IGSF10: variants seen among roughly 807,000 people sequenced by gnomAD.
IGSF10 encodes the protein calvaria mechanical force protein 608.
IGSF10 carries 126 observed loss-of-function variants against 128.2 expected under a neutral mutation model. The ratio of observed to expected loss-of-function variants is 0.98; its 90% CI spans 0.85 to 1.14. IGSF10 has a LOEUF of 1.14. IGSF10 is among the 50% of genes most tolerant of loss of function. The probability of loss-of-function intolerance (pLI) is 0.00; values close to 1 mark genes in which losing one functional copy is unlikely to be tolerated. For synonymous variants in IGSF10, 1,185 were observed against 1,146.2 expected, an observed-to-expected ratio of 1.03 and a Z score of -0.68; for missense variants, 3,295 against 3,149.8, an observed-to-expected ratio of 1.05 and a Z score of -1.10.
In IGSF10 at chr3:151,437,756, G is replaced by A; in HGVS notation, c.6805C>T (p.Pro2269Ser). 1 of 1,613,948 alleles carries A rather than the reference G, an allele frequency of 6.2e-7. No individual in the cohort carries two copies. The highest frequency in any genetic ancestry group is 8.5e-7 in the Non-Finnish European group (1 of 1,179,956). The change falls in exon 8 of 8, where the codon CCT becomes TCT. Residue 2269 changes from proline (P) to serine (S), a missense_variant. Physicochemically the swap from Pro to Ser is moderately conservative, Grantham distance 74. Transcript: ENST00000282466. Reference sequence around the variant, plus strand: ...TCTGGCATGATCCACATGACTTCAGGAGATGGTGTCCCTTCAGCTCTGCAG... The same window carrying A: ...TCTGGCATGATCCACATGACTTCAGAAGATGGTGTCCCTTCAGCTCTGCAG... The part of the protein sequence containing the change: ...FDCRAEGTPS[P>S]EVMWIMPDNI...
chr3:151,574,739 C>A, the IGSF10 span, among the ~76,000 whole-genome samples: 1 of 152,200 alleles, frequency 6.6e-6, no homozygotes, highest in Non-Finnish European at 1.5e-5. Flanking sequence ...CAAAGTCATT[C>A]CCTGTCCAGC....
At chr3:151,502,515 C>T in the IGSF10 span, among the ~76,000 whole-genome samples, 1 of 152,046 alleles carries the variant, frequency 6.6e-6, no homozygotes, top group South Asian at 2.1e-4. Context: ...GATTTTGCCA[C>T]AGCTGCTTCC....
At chr3:151,527,883 G>GT in the IGSF10 span, among the ~76,000 whole-genome samples, 1 of 151,946 alleles carries the variant, frequency 6.6e-6, no homozygotes, top group Non-Finnish European at 1.5e-5. Context: ...AGCTTGGGAG[G>GT]TCAAGGCTAC....
chr3:151,607,132 A>G, the IGSF10 span, among the ~76,000 whole-genome samples: 8 of 152,184 alleles, frequency 5.3e-5, no homozygotes, highest in Admixed American at 2.6e-4. Context: ...AAAGAGAACA[A>G]AGTTAATGGA....
the IGSF10 span, among the ~76,000 whole-genome samples, chr3:151,520,356 T>G: frequency 6.6e-6 from 1 of 151,852 alleles, no homozygotes; most frequent in Non-Finnish European, 1.5e-5. Context: ...GTAGTCCTAT[T>G]GCAGTTTAAG....
chr3:151,477,869 A>G, the IGSF10 span, among the ~76,000 whole-genome samples: 1 of 152,220 alleles, frequency 6.6e-6, no homozygotes, highest in South Asian at 2.1e-4. Context: ...GAAAGCAGCC[A>G]TAGATAATAT....
chr3:151,559,442 A>G, the IGSF10 span, among the ~76,000 whole-genome samples: 2 of 152,210 alleles, frequency 1.3e-5, no homozygotes, highest in African/African-American at 4.8e-5. Flanking sequence ...AACACTATAC[A>G]AAAATTGATA....
At chr3:151,582,782 A>AT in the IGSF10 span, among the ~76,000 whole-genome samples, 9 of 152,202 alleles carry the variant, frequency 5.9e-5, no homozygotes, top group Non-Finnish European at 1.2e-4. Flanking sequence ...TTAAATACAA[A>AT]TGGTGATAGT....
chr3:151,514,212 C>T, the IGSF10 span, among the ~76,000 whole-genome samples: 1 of 152,090 alleles, frequency 6.6e-6, no homozygotes, highest in Admixed American at 6.6e-5. Flanking sequence ...AGCTACCTGA[C>T]TTCAAACTAT....
the IGSF10 span, among the ~76,000 whole-genome samples, chr3:151,550,000 G>A: frequency 6.6e-6 from 1 of 151,908 alleles, no homozygotes; most frequent in Admixed American, 6.6e-5. Context: ...CTTGGTTTAA[G>A]AAAAATTAAA....
At chr3:151,491,035 G>A in the IGSF10 span, among the ~76,000 whole-genome samples, 3 of 151,948 alleles carry the variant, frequency 2.0e-5, no homozygotes, top group South Asian at 6.2e-4. Flanking sequence ...ACAGAAAACA[G>A]AAAGCCATGG....
chr3:151,547,006 G>C, the IGSF10 span, among the ~76,000 whole-genome samples: 1 of 90,288 alleles, frequency 1.1e-5, no homozygotes, highest in South Asian at 4.5e-4. Flanking sequence ...TCTGACCTCC[G>C]GCGATCCACC....
the IGSF10 span, among the ~76,000 whole-genome samples, chr3:151,554,949 G>A: frequency 2.0e-5 from 3 of 152,258 alleles, no homozygotes; most frequent in East Asian, 3.9e-4. Flanking sequence ...TTGTTATGCA[G>A]CACTACATTG....
chr3:151,566,338 G>A, the IGSF10 span, among the ~76,000 whole-genome samples: 2 of 152,092 alleles, frequency 1.3e-5, no homozygotes, highest in South Asian at 4.1e-4. Context: ...CAGAACTGAG[G>A]GATGATTAAA....
the IGSF10 span, among the ~76,000 whole-genome samples, chr3:151,572,284 C>T: frequency 6.6e-6 from 1 of 152,176 alleles, no homozygotes; most frequent in Non-Finnish European, 1.5e-5. Context: ...GGAATAGTTT[C>T]AGAAGGAATG....
chr3:151,442,766 T>G (rs755001966), intron 7 of IGSF10, among the ~76,000 whole-genome samples: 3 of 152,134 alleles, frequency 2.0e-5, no homozygotes, highest in Non-Finnish European at 4.4e-5. Context: ...ATAAAAACCC[T>G]AAGAAGTTGA....
chr3:151,548,803 A>T, the IGSF10 span, among the ~76,000 whole-genome samples: 1 of 150,538 alleles, frequency 6.6e-6, no homozygotes. Context: ...TAATCTTCTA[A>T]TTTTCTCATT....
chr3:151,570,050 C>G, the IGSF10 span, among the ~76,000 whole-genome samples: 1 of 152,184 alleles, frequency 6.6e-6, no homozygotes, highest in Admixed American at 6.5e-5. Flanking sequence ...CGTGTCCCTA[C>G]AAAGGACATG....
the IGSF10 span, among the ~76,000 whole-genome samples, chr3:151,516,589 C>T: frequency 6.6e-6 from 1 of 152,030 alleles, no homozygotes; most frequent in Non-Finnish European, 1.5e-5. Flanking sequence ...CTCCTCTTAA[C>T]CTACATCATG....
Sources: gnomAD v4.1 joint callset for allele counts (sites outside exome capture counted in the v4.1 genomes callset) on GRCh38, gnomAD v4.1.1 for gene constraint, MANE v1.5 for transcripts, NCBI Gene and HGNC (gene_info 2026-07-23, HGNC 2026-07-21) for gene names.